Variants in PCCB observed in about 807,000 individuals in gnomAD.
PCCB encodes the protein propionyl-CoA carboxylase beta chain, mitochondrial.
In PCCB, 43 loss-of-function variants were observed where a neutral mutation model predicts 60.7. The observed-to-expected ratio is 0.71, with a 90% CI of 0.55 to 0.91. The LOEUF is 0.91. Ranked by LOEUF, PCCB falls within the 40% of genes least tolerant of loss-of-function variation. The probability of loss-of-function intolerance (pLI) is 0.00; values close to 1 mark genes in which losing one functional copy is unlikely to be tolerated. For missense variants in PCCB, 766 were observed against 702.8 expected (o/e 1.09, Z -1.02); for synonymous variants, 276 against 255.9 (o/e 1.08, Z -0.75).
intron 2 of PCCB, 112 bp from the exon 3 acceptor site, chr3:136,256,443 G>C: frequency 1.3e-6 from 1 of 767,874 alleles, no homozygotes; most frequent in Middle Eastern, 2.3e-4. Flanking sequence ...TGTTCATATT[G>C]ACGTTTTAGG....
chr3:136,277,357 G>C (rs1215215434), intron 5 of PCCB, among the ~76,000 whole-genome samples: 1 of 152,176 alleles, frequency 6.6e-6, no homozygotes, highest in African/African-American at 2.4e-5. Flanking sequence ...TTGGCATCCA[G>C]CCTGGAGGTA....
rs557822597 is a variant in PCCB at position 136,310,276 on chromosome 3, T to C, written c.967-6665T>C. On this transcript the variant is annotated intron_variant, in intron 9 of 14. Coordinates refer to ENST00000251654, the MANE Select transcript of PCCB (RefSeq NM_000532.5). Reference sequence around the variant, plus strand: ...TACTCGGGAGGCTGAGGCAGGAGAATTGCTTGAACCCAGGAGGCGGAGGTT... The same window carrying C: ...TACTCGGGAGGCTGAGGCAGGAGAACTGCTTGAACCCAGGAGGCGGAGGTT... Among the ~76,000 whole-genome samples, 22 of 151,874 alleles carry C rather than the reference T, an allele frequency of 1.4e-4. No homozygotes were observed. In the South Asian group the frequency reaches 4.2e-3, roughly 29 times the overall value.
At chr3:136,297,719 ACCC>A (rs1227793479) in intron 7 of PCCB, among the ~76,000 whole-genome samples, 1 of 152,094 alleles carries the variant, frequency 6.6e-6, no homozygotes, top group African/African-American at 2.4e-5. Context: ...GAAAGGTGTG[ACCC>A]CTGTAGAGGT....
intron 3 of PCCB, chr3:136,260,217 G>T: frequency 2.0e-6 from 1 of 511,012 alleles, no homozygotes; most frequent in Non-Finnish European, 3.6e-6. Context: ...GGGATTCCAG[G>T]CATGTGCCAC....
intron 9 of PCCB, among the ~76,000 whole-genome samples, chr3:136,316,015 T>C (rs892879407): frequency 1.3e-5 from 2 of 152,008 alleles, no homozygotes; most frequent in Non-Finnish European, 2.9e-5. Context: ...GGCCAGGAAT[T>C]GGAGACCAGT....
chr3:136,280,189 C>G (rs1401552015), intron 5 of PCCB, among the ~76,000 whole-genome samples: 1 of 152,156 alleles, frequency 6.6e-6, no homozygotes, highest in East Asian at 1.9e-4. Context: ...TTGTTTCAGA[C>G]TAAAGGACTC....
intron 3 of PCCB, chr3:136,259,110 G>T (rs1941754968): frequency 7.2e-7 from 1 of 1,394,072 alleles, no homozygotes; most frequent in Non-Finnish European, 9.3e-7. Context: ...ACATAATGAA[G>T]ATCCATAAGC....
chr3:136,326,740 C>T (rs1216261686), intron 10 of PCCB, 63 bp from the exon 11 acceptor site: 5 of 1,130,554 alleles, frequency 4.4e-6, no homozygotes, highest in Admixed American at 1.7e-5. Context: ...AGGACAAATC[C>T]CCATTGTGGA....
chr3:136,269,045 C>T (rs1244842103), intron 5 of PCCB, among the ~76,000 whole-genome samples: 1 of 152,158 alleles, frequency 6.6e-6, no homozygotes, highest in Admixed American at 6.5e-5. Context: ...CTTGGGGAGG[C>T]CAAGGCAGGG....
At chr3:136,298,376 G>GT (rs1934033798) in intron 8 of PCCB, among the ~76,000 whole-genome samples, 2 of 152,044 alleles carry the variant, frequency 1.3e-5, no homozygotes, top group Admixed American at 6.5e-5. Context: ...AGAGATTCAA[G>GT]TTTTTTTTGG....
chr3:136,279,945 C>T lies in PCCB; in HGVS notation c.544-3892C>T, dbSNP rs773603378. 7.2e-5 allele frequency among the ~76,000 whole-genome samples: 11 copies of T among 152,292 alleles called. No individual in the cohort carries two copies. In the South Asian group the frequency reaches 8.3e-4, roughly 11 times the overall value. ...CCTCCCAAAGTGCTGGGATTACAGG[C>T]GTGAGCCACCGCGCCCGGCCTTTTT... On this transcript the variant is annotated intron_variant, in intron 5 of 14. Transcript: ENST00000251654.
At chr3:136,318,402 A>G (rs1263196086) in intron 10 of PCCB, among the ~76,000 whole-genome samples, 2 of 152,312 alleles carry the variant, frequency 1.3e-5, no homozygotes, top group Non-Finnish European at 1.5e-5. Context: ...AAATTTTGTC[A>G]TGGTAAAATA....
At chr3:136,264,440 G>GTGTGTGTGTGTGTGTATATATATATA in intron 5 of PCCB, among the ~76,000 whole-genome samples, 2 of 123,858 alleles carry the variant, frequency 1.6e-5, no homozygotes, top group African/African-American at 6.0e-5. Context: ...ATGTGTGTGT[G>GTGTGTGTGTGTGTGTATATATATATA]TATATATGTA....
In PCCB at chr3:136,250,696, A is replaced by G. The variant is rs565705171; in HGVS notation, c.183+138A>G. 4 of 831,136 alleles carry G rather than the reference A, an allele frequency of 4.8e-6. No homozygotes were observed. In the South Asian group the frequency reaches 5.8e-5, roughly 12 times the overall value. 51.5% of individuals were successfully genotyped at this position (831,136 alleles called of 1,614,324 possible). ...GGCCGGAGCAAGGGTGTTCACCTTG[A>G]AAACCTGTAGCGTTTCTCGTGGAGG... is the stretch of plus-strand genomic sequence containing the variant. On this transcript the variant is annotated intron_variant, in intron 1 of 14. Transcript: ENST00000251654.
chr3:136,262,921 C>G (rs1279057132), intron 5 of PCCB, among the ~76,000 whole-genome samples: 7 of 150,052 alleles, frequency 4.7e-5, no homozygotes, highest in Non-Finnish European at 1.0e-4. Flanking sequence ...AGAATATCAT[C>G]TAGTTGAATA....
chr3:136,306,477 A>G (rs7613584), intron 9 of PCCB, among the ~76,000 whole-genome samples: 14,171 of 121,946 alleles, frequency 0.12, 3,244 homozygotes, highest in African/African-American at 0.33. Context: ...AAGTAGATAA[A>G]TAGCCTAAAA....
In PCCB at chr3:136,298,016, C is replaced by A; in HGVS notation, c.828C>A (p.Asn276Lys). Residue 276 changes from asparagine (N) to lysine (K), a missense_variant, in exon 8 of 15, where the codon AAC (asparagine) becomes AAA (lysine). Transcript: ENST00000251654. The stretch of plus-strand genomic sequence containing the variant: ...TGTGTAATCTCCGGGATTTCTTCAA[C>A]TACCTGCCCCTGAGCAGTCAGGACC... ...DALCNLRDFF[N>K]YLPLSSQDPA... 6.2e-7 allele frequency: 1 copy of A among 1,614,164 alleles called. No individual in the cohort carries two copies. Among genetic ancestry groups the A allele is most frequent in the Non-Finnish European group, 8.5e-7 (1 of 1,179,974 alleles).
intron 5 of PCCB, among the ~76,000 whole-genome samples, chr3:136,273,574 CTTTCTTTTTTTTTTTCTTTTTTCT>C (rs1942254253): frequency 2.0e-5 from 1 of 50,364 alleles, no homozygotes; most frequent in Non-Finnish European, 4.6e-5. Context: ...CCTTCTTTTT[CTTTCTTTTTTTTTTTCTTTTTTCT>C]TTTTTTTTTT....
chr3:136,290,977 C>T (rs1199860316), intron 6 of PCCB, among the ~76,000 whole-genome samples: 1 of 151,984 alleles, frequency 6.6e-6, no homozygotes, highest in Non-Finnish European at 1.5e-5. Context: ...TTTCCTCAAG[C>T]ATGCCCAGTC....
Sources: gnomAD v4.1 joint callset for allele counts (sites outside exome capture counted in the v4.1 genomes callset) on GRCh38, gnomAD v4.1.1 for gene constraint, MANE v1.5 for transcripts, NCBI Gene and HGNC (gene_info 2026-07-23, HGNC 2026-07-21) for gene names.